Variants in DTD1 observed in about 807,000 individuals in gnomAD.
DTD1 encodes D-aminoacyl-tRNA deacylase 1, also known as D-tyrosyl-tRNA deacylase 1 homolog.
A neutral mutation model predicts 25.6 loss-of-function variants in DTD1; 13 were observed. The observed-to-expected ratio is 0.51, with a 90% CI of 0.33 to 0.81. The LOEUF (loss-of-function observed/expected upper bound fraction) is 0.81, where lower values mean the gene tolerates loss of function less well. Ranked by LOEUF, DTD1 falls within the 30% of genes least tolerant of loss-of-function variation. DTD1 has a pLI of 0.02. For missense variants in DTD1, 193 were observed against 266.4 expected (o/e 0.72, Z 1.92); for synonymous variants, 110 against 103.6 (o/e 1.06, Z -0.37).
chr20:18,623,577 C>T (rs2060744800), intron 3 of DTD1, among the ~76,000 whole-genome samples: 1 of 152,180 alleles, frequency 6.6e-6, no homozygotes, highest in African/African-American at 2.4e-5. Context: ...CACATCTGCT[C>T]TATCAGCAAA....
chr20:18,644,424 A>G (rs530742381), intron 4 of DTD1, among the ~76,000 whole-genome samples: 3 of 152,356 alleles, frequency 2.0e-5, no homozygotes, highest in Admixed American at 1.3e-4. Flanking sequence ...CCTCAAAACT[A>G]TGTAGCTTTC....
chr20:18,632,347 A>G, intron 4 of DTD1: 3 of 985,416 alleles, frequency 3.0e-6, no homozygotes, highest in Non-Finnish European at 3.6e-6. Context: ...CAGAAGCCTC[A>G]GACCCTGAAC....
Position 18,764,452 on chromosome 20 carries a change from C to G in DTD1, c.*1112C>G, listed in dbSNP as rs1422608771. The G allele has an allele frequency of 6.6e-6, 1 of 152,146 alleles. No homozygotes were observed. The highest frequency in any genetic ancestry group is 2.4e-5 in the African/African-American group (1 of 41,432). 9.4% of individuals were successfully genotyped at this position (152,146 alleles called of 1,614,324 possible). On this transcript the variant is annotated 3_prime_UTR_variant, in exon 6 of 6. Transcript: ENST00000377452. Reference sequence around the variant, plus strand: ...ATATCTAATAACGCTCGCATATATGCTCTCTGGAAAATATTTTTGTATATA... The same window carrying G: ...ATATCTAATAACGCTCGCATATATGGTCTCTGGAAAATATTTTTGTATATA...
chr20:18,649,330 T>C (rs112253241), intron 4 of DTD1, among the ~76,000 whole-genome samples: 51 of 92,110 alleles, frequency 5.5e-4, no homozygotes, highest in African/African-American at 1.6e-3. Flanking sequence ...ATCTTTCTTT[T>C]TTTTTTTTTT....
rs550310551 is a variant in DTD1, at chr20:18,710,865, G to T, written c.478-33235G>T. Among the ~76,000 whole-genome samples, 10 of 152,252 alleles carry T rather than the reference G, an allele frequency of 6.6e-5. No individual in the cohort carries two copies. The South Asian group carries it at 1.7e-3, about 25-fold the overall frequency. On this transcript the variant is annotated intron_variant, in intron 4 of 5. Coordinates refer to ENST00000377452, the MANE Select transcript of DTD1 (RefSeq NM_080820.6). ...GGGCTCTGTGAGTGAGTTGAATCAT[G>T]GGCCCGTTTTCCCTGTGTTCTCTCC...
At chr20:18,681,444 T>A (rs6081292) in intron 4 of DTD1, among the ~76,000 whole-genome samples, 47,297 of 152,116 alleles carry the variant, frequency 0.31, 8,156 homozygotes, top group South Asian at 0.43. Flanking sequence ...TCATTCAGGT[T>A]TATCCCATTG....
At chr20:18,716,083 G>C (rs897892878) in intron 4 of DTD1, among the ~76,000 whole-genome samples, 14 of 152,108 alleles carry the variant, frequency 9.2e-5, no homozygotes, top group Admixed American at 2.6e-4. Flanking sequence ...CAGGCATTTG[G>C]ATTCACCAGC....
At chr20:18,741,692 A>T (rs1280437662) in intron 4 of DTD1, among the ~76,000 whole-genome samples, 1 of 151,820 alleles carries the variant, frequency 6.6e-6, no homozygotes, top group Non-Finnish European at 1.5e-5. Flanking sequence ...GTTTTGTATA[A>T]CATGATTTTC....
intron 4 of DTD1, among the ~76,000 whole-genome samples, chr20:18,666,011 C>A (rs910459293): frequency 2.0e-5 from 3 of 152,032 alleles, no homozygotes; most frequent in African/African-American, 7.3e-5. Context: ...TGGATTGCAC[C>A]AGTTTTTCCA....
chr20:18,738,336 A>G (rs6045577), intron 4 of DTD1, among the ~76,000 whole-genome samples: 72,418 of 152,036 alleles, frequency 0.48, 18,033 homozygotes, highest in East Asian at 0.61. Flanking sequence ...GTCCATGGGC[A>G]TGTGGTGTAA....
chr20:18,589,177 C>T (rs1409009886), intron 1 of DTD1, among the ~76,000 whole-genome samples: 2 of 152,048 alleles, frequency 1.3e-5, no homozygotes, highest in Non-Finnish European at 2.9e-5. Flanking sequence ...ATAGAGAAAC[C>T]CTATCTCTAC....
intron 3 of DTD1, among the ~76,000 whole-genome samples, chr20:18,617,392 A>G (rs1438049936): frequency 6.7e-6 from 1 of 150,232 alleles, no homozygotes; most frequent in Non-Finnish European, 1.5e-5. Flanking sequence ...ATATACATAT[A>G]CACACACATA....
chr20:18,594,687 A>G (rs1013466568), intron 2 of DTD1, among the ~76,000 whole-genome samples: 3 of 152,202 alleles, frequency 2.0e-5, no homozygotes, highest in Non-Finnish European at 4.4e-5. Flanking sequence ...AATTCCTGCT[A>G]AGGTGTTGAT....
At chr20:18,661,432 T>C (rs917390794) in intron 4 of DTD1, among the ~76,000 whole-genome samples, 6 of 145,566 alleles carry the variant, frequency 4.1e-5, no homozygotes, top group Middle Eastern at 3.8e-3. Context: ...AGTGCAGTGG[T>C]GCGATCTCAG....
chr20:18,619,626 T>C (rs1318171043), intron 3 of DTD1, among the ~76,000 whole-genome samples: 3 of 152,162 alleles, frequency 2.0e-5, no homozygotes, highest in Admixed American at 6.5e-5. Context: ...GGTTTCACTG[T>C]GTTGCCCAGG....
At chr20:18,756,346 A>G (rs1255829865) in intron 5 of DTD1, among the ~76,000 whole-genome samples, 6 of 152,152 alleles carry the variant, frequency 3.9e-5, no homozygotes, top group Admixed American at 1.3e-4. Flanking sequence ...GTCCTTGCCC[A>G]TGCCTATGTC....
At chr20:18,758,826 G>T (rs1355379795) in intron 5 of DTD1, among the ~76,000 whole-genome samples, 1 of 152,158 alleles carries the variant, frequency 6.6e-6, no homozygotes, top group East Asian at 1.9e-4. Context: ...GTATATCCTT[G>T]TTGACTTTCT....
chr20:18,700,847 G>T (rs1417006838), intron 4 of DTD1, among the ~76,000 whole-genome samples: 1 of 152,144 alleles, frequency 6.6e-6, no homozygotes, highest in Non-Finnish European at 1.5e-5. Flanking sequence ...AGGAAGGAAG[G>T]CTTTTCACAG....
chr20:18,702,058 C>G (rs1318095233), intron 4 of DTD1, among the ~76,000 whole-genome samples: 2 of 152,186 alleles, frequency 1.3e-5, no homozygotes, highest in Admixed American at 1.3e-4. Flanking sequence ...TAATCTGTTG[C>G]ATAATAAATA....
Sources: gnomAD v4.1 joint callset for allele counts (sites outside exome capture counted in the v4.1 genomes callset) on GRCh38, gnomAD v4.1.1 for gene constraint, MANE v1.5 for transcripts, NCBI Gene and HGNC (gene_info 2026-07-23, HGNC 2026-07-21) for gene names.